USP9X: variants seen among roughly 807,000 people sequenced by gnomAD.
USP9X encodes the protein ubiquitin carboxyl-terminal hydrolase 9X.
In USP9X, 7 loss-of-function variants were observed where a neutral mutation model predicts 190.3. The ratio of observed to expected loss-of-function variants is 0.04; its 90% CI spans 0.02 to 0.07. USP9X has a LOEUF of 0.07. Ranked by LOEUF, USP9X falls within the 10% of genes least tolerant of loss-of-function variation. The probability of loss-of-function intolerance (pLI) is 1.00; values close to 1 mark genes in which losing one functional copy is unlikely to be tolerated. For missense variants in USP9X, 1,010 were observed against 1,916.9 expected, an observed-to-expected ratio of 0.53 and a Z score of 8.83; for synonymous variants, 645 against 659.5, an observed-to-expected ratio of 0.98 and a Z score of 0.34.
At chrX:41,223,595 G>A (rs1477598681) in intron 39 of USP9X, among the ~76,000 whole-genome samples, 193 bp downstream of exon 39, 2 of 110,807 alleles carry the variant, frequency 1.8e-5, no homozygotes, top group African/African-American at 6.6e-5. Context: ...CCACCACCAC[G>A]CCCGGCTAAT....
chrX:41,104,465 A>G (rs892236997), intron 1 of USP9X, among the ~76,000 whole-genome samples: 2 of 112,420 alleles, frequency 1.8e-5, no homozygotes, highest in African/African-American at 6.5e-5. Context: ...AATAACAGCT[A>G]TATCAGTAAA....
At chrX:41,140,931 G>A (rs376018099) in intron 7 of USP9X, 35 bp from the exon 8 acceptor site, 26 of 1,138,696 alleles carry the variant, frequency 2.3e-5, no homozygotes, top group Middle Eastern at 3.1e-4. Flanking sequence ...AAGAAATTGC[G>A]TATTTACAGG....
chrX:41,128,416 C>A (rs977883351), intron 2 of USP9X, among the ~76,000 whole-genome samples: 5 of 110,568 alleles, frequency 4.5e-5, no homozygotes, highest in Non-Finnish European at 9.5e-5. Flanking sequence ...AGTTTTTTTT[C>A]ATCTATTAAA....
At chrX:41,110,571 C>A (rs1270530932) in intron 1 of USP9X, among the ~76,000 whole-genome samples, 1 of 111,557 alleles carries the variant, frequency 9.0e-6, no homozygotes, top group African/African-American at 3.3e-5. Context: ...TCCTCTGTCC[C>A]AGTTTTTTTA....
rs762698544 is a variant in USP9X at position 41,205,582 on chromosome X, G to A, written c.5015+89G>A. 192 of 888,452 alleles carry A rather than the reference G, an allele frequency of 2.2e-4. 2 individuals are homozygous for A. In the South Asian group the frequency reaches 6.1e-3, roughly 28 times the overall value. The allele number at this position is 888,452 out of a possible 1,213,427, so 73.2% of individuals were successfully genotyped here. A position where few individuals can be genotyped will look rare whatever the true frequency, so the allele number is the denominator to read the frequency against. On this transcript the variant is annotated intron_variant, in intron 32 of 44. Transcript: ENST00000378308. ...TAAACCTCTAAAAGACATGTTGGAAGGCATCTTTTTTTAAGCACTGGTAAT... is the reference window on the plus strand; with the variant it reads ...TAAACCTCTAAAAGACATGTTGGAAAGCATCTTTTTTTAAGCACTGGTAAT...
At chrX:41,206,499 A>G (rs190012192) in intron 32 of USP9X, among the ~76,000 whole-genome samples, 12 of 111,205 alleles carry the variant, frequency 1.1e-4, no homozygotes, top group Non-Finnish European at 2.3e-4. Context: ...GAGGACAAAT[A>G]GTTTAGCATG....
chrX:41,135,667 G>A (rs1178061594), intron 5 of USP9X, among the ~76,000 whole-genome samples: 2 of 111,849 alleles, frequency 1.8e-5, no homozygotes, highest in African/African-American at 6.5e-5. Flanking sequence ...GTCTCACTCT[G>A]TCTCCCAGGC....
chrX:41,161,567 C>A (rs956035776), intron 14 of USP9X, among the ~76,000 whole-genome samples: 47 of 104,108 alleles, frequency 4.5e-4, no homozygotes, highest in Admixed American at 8.4e-4. Context: ...AACTCCTGAC[C>A]TCAGGTAATC....
At chrX:41,140,816 C>T (rs761462049) in intron 7 of USP9X, 45 bp downstream of exon 7, 17 of 1,104,827 alleles carry the variant, frequency 1.5e-5, no homozygotes, top group Non-Finnish European at 1.9e-5. Context: ...CGTAGAATTG[C>T]TGGTTTTTGC....
intron 1 of USP9X, among the ~76,000 whole-genome samples, chrX:41,103,617 TATTTTA>T (rs2062049747): frequency 8.9e-6 from 1 of 112,624 alleles, no homozygotes; most frequent in African/African-American, 3.2e-5. Flanking sequence ...TTTATAAATT[TATTTTA>T]GTTTTAGTTA....
intron 14 of USP9X, among the ~76,000 whole-genome samples, chrX:41,160,462 A>G (rs761239006): frequency 5.4e-5 from 6 of 110,351 alleles, no homozygotes; most frequent in Non-Finnish European, 1.1e-4. Context: ...CCAAAGTTCT[A>G]CTCTTTGTGC....
intron 41 of USP9X, among the ~76,000 whole-genome samples, chrX:41,228,154 T>C (rs2063331089): frequency 8.9e-6 from 1 of 112,459 alleles, no homozygotes; most frequent in African/African-American, 3.2e-5. Context: ...ATGCAATTTG[T>C]GTGTCTGACT....
In USP9X at chrX:41,098,593, T is replaced by C. The variant is rs2062010235; in HGVS notation, c.-159+12484T>C. ...GTTTTTTTGAGATGGAGTCTTGCTC[T>C]GTTGCCCAGGCTGGAGTGCAGTGGC... is the stretch of plus-strand genomic sequence containing the variant. On this transcript the variant is annotated intron_variant, in intron 1 of 44. Transcript: ENST00000378308. Among the ~76,000 whole-genome samples, 3 of 111,178 alleles carry C rather than the reference T, an allele frequency of 2.7e-5. No homozygotes were observed. The Admixed American group carries it at 2.9e-4, about 11-fold the overall frequency.
At chrX:41,129,222 C>A in intron 3 of USP9X, 77 bp downstream of exon 3, 1 of 1,001,450 alleles carries the variant, frequency 1.0e-6, no homozygotes. Flanking sequence ...GTCTTTATAG[C>A]TTCGTCACTG....
At chrX:41,203,698 AT>A (rs2063063160) in intron 31 of USP9X, among the ~76,000 whole-genome samples, 1 of 109,801 alleles carries the variant, frequency 9.1e-6, no homozygotes, top group Non-Finnish European at 1.9e-5. Context: ...TTTTTATTTT[AT>A]TATTTATTAT....
intron 29 of USP9X, among the ~76,000 whole-genome samples, chrX:41,197,969 G>C (rs907097385): frequency 1.8e-5 from 2 of 111,838 alleles, no homozygotes; most frequent in African/African-American, 6.5e-5. Context: ...AGCTGAGATC[G>C]CACCACTGCA....
At chrX:41,175,901 T>A (rs1363840056) in intron 21 of USP9X, among the ~76,000 whole-genome samples, 1 of 110,264 alleles carries the variant, frequency 9.1e-6, no homozygotes, top group African/African-American at 3.3e-5. Flanking sequence ...TGTAATTTTT[T>A]TTTTTTTTGA....
At chrX:41,125,142 C>T (rs967595486) in intron 2 of USP9X, among the ~76,000 whole-genome samples, 2 of 111,036 alleles carry the variant, frequency 1.8e-5, no homozygotes, top group East Asian at 2.8e-4. Flanking sequence ...GTGGCGCGAT[C>T]TTGGCTCACT....
chrX:41,162,653 C>T, intron 14 of USP9X, 137 bp from the exon 15 acceptor site: 1 of 420,508 alleles, frequency 2.4e-6, no homozygotes, highest in Non-Finnish European at 3.9e-6. Context: ...TAGAAACCAC[C>T]AACTGGTAGA....
Sources: gnomAD v4.1 joint callset for allele counts (sites outside exome capture counted in the v4.1 genomes callset) on GRCh38, gnomAD v4.1.1 for gene constraint, MANE v1.5 for transcripts, NCBI Gene and HGNC (gene_info 2026-07-23, HGNC 2026-07-21) for gene names.